The following DHX34 variants were observed in gnomAD, a reference collection of about 807,000 sequenced individuals.
The protein encoded by DHX34 is DExH-box helicase 34, also known as probable ATP-dependent RNA helicase DHX34.
In DHX34, 96 loss-of-function variants were observed where a neutral mutation model predicts 111.1. The ratio of observed to expected loss-of-function variants is 0.86; its 90% CI spans 0.73 to 1.02. DHX34 has a LOEUF of 1.02. DHX34 is among the 50% of genes least tolerant of loss of function. DHX34 has a pLI of 0.00. For synonymous variants in DHX34, 688 were observed against 670.4 expected, an observed-to-expected ratio of 1.03 and a Z score of -0.41; for missense variants, 1,560 against 1,579.9, an observed-to-expected ratio of 0.99 and a Z score of 0.21.
chr19:47,376,161 C>T, intron 11 of DHX34, 64 bp downstream of exon 11: 1 of 1,516,712 alleles, frequency 6.6e-7, no homozygotes, highest in Non-Finnish European at 8.8e-7. Flanking sequence ...AGTGCCTGTC[C>T]TGTGCCGGGA....
In DHX34 at chr19:47,382,264, G is replaced by T; in HGVS notation, c.*151G>T. The T allele has an allele frequency of 7.3e-7, 1 of 1,362,548 alleles. No individual in the cohort carries two copies. The highest frequency in any genetic ancestry group is 2.5e-5 in the East Asian group (1 of 39,684). The allele number at this position is 1,362,548 out of a possible 1,614,324, so 84.4% of individuals were successfully genotyped here. On this transcript the variant is annotated 3_prime_UTR_variant, in exon 17 of 17. Transcript: ENST00000328771. ...GCCTGGAGCACGGATTGTGAATAAA[G>T]CCTCACATGCTGATACACACTGTTA... is the stretch of plus-strand genomic sequence containing the variant.
chr19:47,377,450 C>G (rs1568407003), intron 13 of DHX34, among the ~76,000 whole-genome samples: 1 of 147,248 alleles, frequency 6.8e-6, no homozygotes, highest in African/African-American at 2.6e-5. Flanking sequence ...CAGCAGGGAA[C>G]CAGGCATGAA....
Position 47,371,649 on chromosome 19 carries a change from G to C in DHX34, c.1769-1081G>C, listed in dbSNP as rs576556538. Among the ~76,000 whole-genome samples, 37 of 152,312 alleles carry C rather than the reference G, an allele frequency of 2.4e-4. 1 individual carries two copies. In the South Asian group the frequency reaches 7.0e-3, roughly 29 times the overall value. Reference sequence around the variant, plus strand: ...AGTCTTGCTCTGTTCACTCAGGCTAGAGTGTAATGGCAAGATCTCAGCTCA... The same window carrying C: ...AGTCTTGCTCTGTTCACTCAGGCTACAGTGTAATGGCAAGATCTCAGCTCA... On this transcript the variant is annotated intron_variant, in intron 7 of 16. Coordinates refer to ENST00000328771, the MANE Select transcript of DHX34 (RefSeq NM_014681.6).
chr19:47,361,714 G>T (rs1969637123), intron 5 of DHX34, among the ~76,000 whole-genome samples: 1 of 152,170 alleles, frequency 6.6e-6, no homozygotes, highest in South Asian at 2.1e-4. Flanking sequence ...AGGAGGCAGA[G>T]TGAGCCGAGA....
At chr19:47,356,406 A>G (rs1275336318) in intron 3 of DHX34, among the ~76,000 whole-genome samples, 3 of 151,986 alleles carry the variant, frequency 2.0e-5, no homozygotes, top group South Asian at 2.1e-4. Context: ...CTAAGGCAGA[A>G]AGATCACGAG....
intron 6 of DHX34, among the ~76,000 whole-genome samples, chr19:47,365,436 G>C (rs1969761822): frequency 1.3e-5 from 2 of 152,104 alleles, no homozygotes; most frequent in African/African-American, 4.8e-5. Flanking sequence ...AATTTTAGTA[G>C]AGAGGGAGTT....
In DHX34 at chr19:47,377,162, A is replaced by G; in HGVS notation, c.2662A>G (p.Asn888Asp). 1.2e-6 allele frequency: 2 copies of G among 1,613,910 alleles called. No individual in the cohort carries two copies. The highest frequency in any genetic ancestry group is 1.7e-6 in the Non-Finnish European group (2 of 1,179,960). Residue 888 changes from asparagine (N) to aspartate (D), a missense_variant, in exon 13 of 17, where the codon AAC (asparagine) becomes GAC (aspartate). By Grantham distance (23) the Asn-to-Asp change is conservative. Coordinates refer to ENST00000328771, the MANE Select transcript of DHX34 (RefSeq NM_014681.6). ...LLSFVSLLET[N>D]KPYLVNCVRI... ...CAGCTTCGTGTCCCTGCTGGAGACC[A>G]ACAAGCCGTACCTGGTGAACTGCGT...
At chr19:47,370,750 C>T (rs993777716) in intron 7 of DHX34, among the ~76,000 whole-genome samples, 6 of 152,162 alleles carry the variant, frequency 3.9e-5, no homozygotes, top group African/African-American at 1.4e-4. Flanking sequence ...GATCTTGGCT[C>T]ACTGCAACCT....
chr19:47,360,794 C>T (rs963131678), intron 5 of DHX34, among the ~76,000 whole-genome samples: 2 of 152,032 alleles, frequency 1.3e-5, no homozygotes, highest in African/African-American at 4.8e-5. Flanking sequence ...GCTTCAGCCT[C>T]CCAAGTAGCT....
chr19:47,371,353 C>T (rs187074945), intron 7 of DHX34, among the ~76,000 whole-genome samples: 4 of 152,348 alleles, frequency 2.6e-5, no homozygotes, highest in South Asian at 4.1e-4. Flanking sequence ...CTGTGCTGGG[C>T]GTCCTCTGTG....
intron 13 of DHX34, 52 bp from the exon 14 acceptor site, chr19:47,379,658 T>C (rs2122376252): frequency 6.5e-7 from 1 of 1,546,130 alleles, no homozygotes; most frequent in Non-Finnish European, 8.8e-7. Context: ...CTGTCTCCAA[T>C]AGCGCCCTGC....
Position 47,360,088 on chromosome 19 carries a change from C to A in DHX34, c.1375+18C>A. 1 of 1,611,662 alleles carries A rather than the reference C, an allele frequency of 6.2e-7. No homozygotes were observed. Among genetic ancestry groups the A allele is most frequent in the Non-Finnish European group, 8.5e-7 (1 of 1,177,846 alleles). On this transcript the variant is annotated intron_variant, in intron 5 of 16. Coordinates refer to ENST00000328771, the MANE Select transcript of DHX34 (RefSeq NM_014681.6). ...AGATTCCGGTAAGGACCACCATGAG[C>A]CCCTACCCACCACCCCCAAGGACTT... is the stretch of plus-strand genomic sequence containing the variant.
chr19:47,380,061 G>T lies in DHX34; in HGVS notation c.2982+76G>T. On this transcript the variant is annotated intron_variant, in intron 14 of 16. Transcript: ENST00000328771. Reference sequence around the variant, plus strand: ...GTCACTGGGCTTGAGCCTCGGGAAGGCCTGGCTTCCCATTCACTCCACATG... The same window carrying T: ...GTCACTGGGCTTGAGCCTCGGGAAGTCCTGGCTTCCCATTCACTCCACATG... 12 of 1,487,892 alleles carry T rather than the reference G, an allele frequency of 8.1e-6. No individual in the cohort carries two copies. The South Asian group carries it at 1.2e-4, about 15-fold the overall frequency. 92.2% of individuals were successfully genotyped at this position (1,487,892 alleles called of 1,614,324 possible). A position where few individuals can be genotyped will look rare whatever the true frequency, so the allele number is the denominator to read the frequency against.
intron 4 of DHX34, among the ~76,000 whole-genome samples, chr19:47,359,406 G>C (rs1274679500): frequency 1.3e-5 from 2 of 151,534 alleles, no homozygotes; most frequent in Non-Finnish European, 2.9e-5. Flanking sequence ...GGGCTGCAGT[G>C]AGCTGTGATC....
rs754643775 is a variant in DHX34 at position 47,382,154 on chromosome 19, GC to G, written c.*44del. ...CTGCCCACCTCCGTGCAGCTGACCT[GC>G]CCTCCAGCCCAGGACTAGGGGCAGG... On this transcript the variant is annotated 3_prime_UTR_variant, in exon 17 of 17. Coordinates refer to ENST00000328771, the MANE Select transcript of DHX34 (RefSeq NM_014681.6). 76 of 1,609,162 alleles carry G rather than the reference GC, an allele frequency of 4.7e-5. No homozygotes were observed. The highest frequency in any genetic ancestry group is 6.5e-5 in the Non-Finnish European group (76 of 1,177,638).
chr19:47,362,947 T>TTTTA (rs1314897235), intron 6 of DHX34, among the ~76,000 whole-genome samples: 1 of 151,726 alleles, frequency 6.6e-6, no homozygotes, highest in East Asian at 1.9e-4. Context: ...ACTTTTAAAT[T>TTTTA]TTTATTTATT....
At position 47,375,232 on chromosome 19, in the gene DHX34, G is replaced by C. The variant is rs968423726; in HGVS notation, c.2065-234G>C. The C allele has an allele frequency of 2.9e-5, 28 of 961,212 alleles. No homozygotes were observed. The African/African-American group carries it at 4.6e-4, about 16-fold the overall frequency. 59.5% of individuals were successfully genotyped at this position (961,212 alleles called of 1,614,324 possible). A position where few individuals can be genotyped will look rare whatever the true frequency, so the allele number is the denominator to read the frequency against. On this transcript the variant is annotated intron_variant, in intron 9 of 16. Transcript: ENST00000328771. ...AGCCTGGAGCCAGCTGTGGGAAAAGGCACTGGACGCCCGCACCTGCCTCCT... is the reference window on the plus strand; with the variant it reads ...AGCCTGGAGCCAGCTGTGGGAAAAGCCACTGGACGCCCGCACCTGCCTCCT...
Position 47,376,432 on chromosome 19 carries a change from G to T in DHX34, c.2482-11G>T. 1 of 1,609,326 alleles carries T rather than the reference G, an allele frequency of 6.2e-7. No homozygotes were observed. Among genetic ancestry groups the T allele is most frequent in the South Asian group, 1.1e-5 (1 of 90,216 alleles). ...ATAGGAGGGCTTGTGCTTTCTCTCT[G>T]TCCTCCGCAGATTTTCCACACGCAG... is the stretch of plus-strand genomic sequence containing the variant. On this transcript the variant is annotated splice_polypyrimidine_tract_variant and intron_variant, in intron 11 of 16. Transcript: ENST00000328771.
chr19:47,381,315 G>A lies in DHX34; in HGVS notation c.3289G>A (p.Gly1097Arg). The change falls in exon 16 of 17, where the codon GGG becomes AGG. Residue 1097 changes from glycine (G) to arginine (R), a missense_variant. Physicochemically the swap from Gly to Arg is moderately radical, Grantham distance 125. Transcript: ENST00000328771. ...CACCTGCCCCCAGGCCCCACAGGAT[G>A]GGCCCCCAGGTAAGCACAGGACTGT... ...ENTCPQAPQD[G>R]PPGAEEAALE... The A allele has an allele frequency of 1.9e-6, 3 of 1,613,416 alleles. No individual in the cohort carries two copies. Among genetic ancestry groups the A allele is most frequent in the Non-Finnish European group, 2.5e-6 (3 of 1,179,678 alleles).
Sources: gnomAD v4.1 joint callset for allele counts (sites outside exome capture counted in the v4.1 genomes callset) on GRCh38, gnomAD v4.1.1 for gene constraint, MANE v1.5 for transcripts, NCBI Gene and HGNC (gene_info 2026-07-23, HGNC 2026-07-21) for gene names.